SLC8A2: variants seen among roughly 807,000 people sequenced by gnomAD.
SLC8A2 encodes sodium/calcium exchanger 2.
Under a neutral mutation model 70.2 loss-of-function variants are expected in SLC8A2, and 14 were observed. The ratio of observed to expected loss-of-function variants is 0.20; its 90% confidence interval spans 0.13 to 0.31. SLC8A2 has a LOEUF of 0.31. Among genes scored for constraint, SLC8A2 ranks in the 10% least tolerant of loss-of-function variants. The pLI, the probability that SLC8A2 is intolerant of heterozygous loss-of-function variation, is 1.00. For synonymous variants in SLC8A2, 575 were observed against 594.3 expected (o/e 0.97, Z 0.47); for missense variants, 779 against 1,320.1 (o/e 0.59, Z 6.35).
rs1474646323 is a variant in SLC8A2, at chr19:47,452,435, AGAGAGAGAGAGTGT to A, written c.1341-4218_1341-4205del. Among the ~76,000 whole-genome samples, 674 of 94,458 alleles carry A rather than the reference AGAGAGAGAGAGTGT, an allele frequency of 7.1e-3. 1 individual carries two copies. The highest frequency in any genetic ancestry group is 0.014 in the South Asian group (36 of 2,614). 62.0% of individuals were successfully genotyped at this position (94,458 alleles called of 152,430 possible). On this transcript the variant is annotated intron_variant, in intron 3 of 9. Transcript: ENST00000236877. ...GAGAGAGAGAGAGAGAGAGAGAGAG[AGAGAGAGAGAGTGT>A]GTGTGTGTGTGTGTGTGTGTGTGTG...
Position 47,447,662 on chromosome 19 carries a change from G to A in SLC8A2, c.1763+147C>T. On this transcript the variant is annotated intron_variant, in intron 4 of 9. Coordinates refer to ENST00000236877, the MANE Select transcript of SLC8A2 (RefSeq NM_015063.3). This position sits in a 1 kb window ranked among gnomAD's most constrained non-coding sequence, Gnocchi z 5.1. ...CAGGCCCCGCCCACGTTGCGGGCAC[G>A]GCCACGCAGGCCCCTCCCCTCCCGA... 1 of 766,588 alleles carries A rather than the reference G, an allele frequency of 1.3e-6. No individual in the cohort carries two copies. The highest frequency in any genetic ancestry group is 1.9e-6 in the Non-Finnish European group (1 of 516,910). 47.5% of individuals were successfully genotyped at this position (766,588 alleles called of 1,614,324 possible). A position where few individuals can be genotyped will look rare whatever the true frequency, so the allele number is the denominator to read the frequency against.
rs1180367579 is a variant in SLC8A2, at chr19:47,465,515, C to T, written c.675+214G>A. ...ACCCTCCAGAGATATGGCTGGGTAG[C>T]ATCAGCAGGACTCCAGCCCCTCCAG... On this transcript the variant is annotated intron_variant, in intron 2 of 9. Coordinates refer to ENST00000236877, the MANE Select transcript of SLC8A2 (RefSeq NM_015063.3). This position sits in a 1 kb window ranked among gnomAD's most constrained non-coding sequence, Gnocchi z 5.5. Among the ~76,000 whole-genome samples, 1 of 152,132 alleles carries T rather than the reference C, an allele frequency of 6.6e-6. No individual in the cohort carries two copies. Among genetic ancestry groups the T allele is most frequent in the Non-Finnish European group, 1.5e-5 (1 of 68,018 alleles).
rs919318284 is a variant in SLC8A2, at chr19:47,441,412, C to T, written c.1792G>A (p.Asp598Asn). 6.2e-7 allele frequency: 1 copy of T among 1,613,392 alleles called. No individual in the cohort carries two copies. Among genetic ancestry groups the T allele is most frequent in the Non-Finnish European group, 8.5e-7 (1 of 1,179,434 alleles). ...TTATCCTTTTTCTCATATTCCTCGT[C>T]ATCAACTATCTTCACCTGAAGAGTT... ...MKTLQVKIVD[D>N]EEYEKKDNFF... The change falls in exon 5 of 10, where the codon GAC (aspartate) becomes AAC (asparagine). Residue 598 changes from aspartate (D) to asparagine (N), a missense_variant. This residue lies in a region of SLC8A2 where 247 missense variants were observed against 362.8 expected (regional missense o/e 0.68). Transcript: ENST00000236877.
intron 3 of SLC8A2, among the ~76,000 whole-genome samples, chr19:47,452,012 G>A (rs1387236405): frequency 2.0e-5 from 3 of 152,130 alleles, no homozygotes; most frequent in African/African-American, 7.2e-5. Context: ...GGATGACTGG[G>A]GAAATGGAAA....
At chr19:47,469,804 C>T (rs904684770) in intron 1 of SLC8A2, among the ~76,000 whole-genome samples, 4 of 152,164 alleles carry the variant, frequency 2.6e-5, no homozygotes, top group Admixed American at 1.3e-4. Context: ...AGGGTGGGAG[C>T]GGGGAGGGCA....
At chr19:47,431,657 CA>C (rs774813485) in intron 9 of SLC8A2, among the ~76,000 whole-genome samples, 6,184 of 47,276 alleles carry the variant, frequency 0.13, 493 homozygotes, top group African/African-American at 0.25. Flanking sequence ...GTCCCCACAC[CA>C]AAAAAAAAAA....
intron 9 of SLC8A2, among the ~76,000 whole-genome samples, chr19:47,431,254 C>T (rs1379863662): frequency 6.6e-6 from 1 of 151,766 alleles, no homozygotes; most frequent in African/African-American, 2.4e-5. Context: ...GTCTCAAACT[C>T]CTGGGCCCAA....
At position 47,457,351 on chromosome 19, in the gene SLC8A2, CG is replaced by C; in HGVS notation, c.918del (p.Glu307SerfsTer54). 1 of 1,542,222 alleles carries C rather than the reference CG, an allele frequency of 6.5e-7. No individual in the cohort carries two copies. The highest frequency in any genetic ancestry group is 8.7e-7 in the Non-Finnish European group (1 of 1,144,168). On this transcript the variant is annotated frameshift_variant, in exon 3 of 10. Transcript: ENST00000236877. LOFTEE classifies it high-confidence loss of function. ...GGLGPGPAEARELDASRREVI... is the reference protein window; with the variant it reads ...GGLGPGPAEAXELDASRREVI... ...ACCTCGCGGCGGCTGGCGTCCAGCT[CG>C]CGCGCCTCGGCGGGGCCCGGGCCCA...
At chr19:47,450,900 C>T (rs1472405708) in intron 3 of SLC8A2, among the ~76,000 whole-genome samples, 4 of 151,928 alleles carry the variant, frequency 2.6e-5, no homozygotes, top group Admixed American at 1.3e-4. Flanking sequence ...CTAGTGATAT[C>T]CACATATTAA....
chr19:47,438,328 C>T (rs1442049421), intron 6 of SLC8A2, among the ~76,000 whole-genome samples: 2 of 152,102 alleles, frequency 1.3e-5, no homozygotes, highest in Non-Finnish European at 2.9e-5. Context: ...TGAGTTAATT[C>T]GTGTGAAGTG....
rs1353973608 is a variant in SLC8A2 at position 47,432,005 on chromosome 19, G to A, written c.2389+162C>T. On this transcript the variant is annotated intron_variant, in intron 9 of 9. Transcript: ENST00000236877. This position sits in a 1 kb window ranked among gnomAD's most constrained non-coding sequence, Gnocchi z 6.2. ...ATTCAATTCACATCTTGCACCTAGG[G>A]GACCCGCTGCCTGGCTTCTATTATG... The A allele has an allele frequency of 1.0e-5, 6 of 597,678 alleles. No individual in the cohort carries two copies. In the East Asian group the frequency reaches 1.9e-4, roughly 19 times the overall value. The allele number at this position is 597,678 out of a possible 1,614,324, so 37.0% of individuals were successfully genotyped here. A position where few individuals can be genotyped will look rare whatever the true frequency, so the allele number is the denominator to read the frequency against.
intron 6 of SLC8A2, among the ~76,000 whole-genome samples, chr19:47,440,926 G>A (rs1967092208): frequency 6.6e-6 from 1 of 152,056 alleles, no homozygotes; most frequent in African/African-American, 2.4e-5. Context: ...ACAAGAGATG[G>A]GGTTTCACCA....
At chr19:47,449,596 TTACAGGCGTGAGCAAC>T (rs1325368146) in intron 3 of SLC8A2, among the ~76,000 whole-genome samples, 1 of 152,144 alleles carries the variant, frequency 6.6e-6, no homozygotes, top group Non-Finnish European at 1.5e-5. Context: ...AGTGCTGGGA[TTACAGGCGTGAGCAAC>T]CGTGCCTGGC....
chr19:47,436,375 T>A (rs138347245), intron 8 of SLC8A2, among the ~76,000 whole-genome samples: 13 of 152,350 alleles, frequency 8.5e-5, no homozygotes, highest in Admixed American at 4.6e-4. Context: ...AGAAATCACT[T>A]CTGTGTCCCT....
At chr19:47,452,397 GGAGAGAGAGAGAGAGAGAGAGAGAGA>G (rs56184564) in intron 3 of SLC8A2, among the ~76,000 whole-genome samples, 7 of 65,482 alleles carry the variant, frequency 1.1e-4, no homozygotes, top group East Asian at 5.1e-4. Flanking sequence ...ATATATATAT[GGAGAGAGAGAGAGAGAGAGAGAGAGA>G]GAGAGAGAGA....
At chr19:47,444,016 C>T (rs1317942118) in intron 4 of SLC8A2, among the ~76,000 whole-genome samples, 1 of 152,118 alleles carries the variant, frequency 6.6e-6, no homozygotes, top group African/African-American at 2.4e-5. Context: ...CCACCTCAGC[C>T]TCCTAAGTAG....
chr19:47,460,872 A>G (rs943304145), intron 2 of SLC8A2, among the ~76,000 whole-genome samples: 1 of 152,018 alleles, frequency 6.6e-6, no homozygotes, highest in Non-Finnish European at 1.5e-5. Flanking sequence ...ATTCATGGAA[A>G]GACTCAAATG....
chr19:47,451,782 C>T (rs987982897), intron 3 of SLC8A2, among the ~76,000 whole-genome samples: 2 of 152,148 alleles, frequency 1.3e-5, no homozygotes, highest in African/African-American at 4.8e-5. Flanking sequence ...TGCAGGACTC[C>T]AATCATCAGG....
intron 2 of SLC8A2, among the ~76,000 whole-genome samples, chr19:47,458,795 A>T (rs998036262): frequency 3.6e-5 from 5 of 138,658 alleles, no homozygotes; most frequent in East Asian, 2.3e-4. Flanking sequence ...TCCAGAGCTA[A>T]TTTTTTCCCC....
Sources: allele counts gnomAD v4.1 joint callset (sites outside exome capture counted in the v4.1 genomes callset), GRCh38; gene constraint gnomAD v4.1.1; regional missense constraint gnomAD v4.1.1; non-coding constraint Gnocchi (gnomAD v3.1); transcripts MANE v1.5; gene names NCBI Gene and HGNC (gene_info 2026-07-23, HGNC 2026-07-21).